Variants in EIF2AK4 observed in about 807,000 individuals in gnomAD.
The protein encoded by EIF2AK4 is eIF-2-alpha kinase GCN2.
In EIF2AK4, 139 loss-of-function variants were observed where a neutral mutation model predicts 211.1. The observed-to-expected ratio is 0.66, with a 90% CI of 0.57 to 0.76. EIF2AK4 has a LOEUF of 0.76. EIF2AK4 is among the 30% of genes least tolerant of loss of function. EIF2AK4 has a pLI of 0.00. For missense variants in EIF2AK4, 1,664 were observed against 2,043.8 expected (o/e 0.81, Z 3.58); for synonymous variants, 710 against 751.3 (o/e 0.94, Z 0.90).
In EIF2AK4 at chr15:40,026,005, C is replaced by T. The variant is rs760055598; in HGVS notation, c.4418C>T (p.Thr1473Ile). 1.9e-6 allele frequency: 3 copies of T among 1,614,102 alleles called. No homozygotes were observed. The highest frequency in any genetic ancestry group is 1.7e-6 in the Non-Finnish European group (2 of 1,180,012). The stretch of plus-strand genomic sequence containing the variant: ...AAGTCTTTCGAGAAGGAAAGGCAGA[C>T]AGAGAAGCGTGTGCTGGAGACTGAA... ...KVKSFEKERQ[T>I]EKRVLETELV... The change falls in exon 33 of 39, where the codon ACA (threonine) becomes ATA (isoleucine). Residue 1473 changes from threonine (T) to isoleucine (I), a missense_variant. Thr to Ile is a moderately conservative substitution (Grantham distance 89). Transcript: ENST00000263791.
rs1375818493 is a variant in EIF2AK4 at position 39,934,189 on chromosome 15, C to T, written c.-7C>T. ...CAAGGCCGCCCTGCCTTGGGCGCAG[C>T]GCTGCCATGGCTGGGGGCCGTGGGG... On this transcript the variant is annotated 5_prime_UTR_variant, in exon 1 of 39. Coordinates refer to ENST00000263791, the MANE Select transcript of EIF2AK4 (RefSeq NM_001013703.4). 7.8e-6 allele frequency: 12 copies of T among 1,533,798 alleles called. No homozygotes were observed. The highest frequency in any genetic ancestry group is 1.7e-4 in the Middle Eastern group (1 of 5,744).
At chr15:39,947,771 G>A (rs2034249484) in intron 3 of EIF2AK4, among the ~76,000 whole-genome samples, 1 of 152,248 alleles carries the variant, frequency 6.6e-6, no homozygotes, top group African/African-American at 2.4e-5. Flanking sequence ...AGGTCTGAGG[G>A]AGGCCAGTGA....
chr15:39,946,476 C>T, intron 3 of EIF2AK4: 3 of 677,250 alleles, frequency 4.4e-6, no homozygotes, highest in Non-Finnish European at 8.1e-6. Flanking sequence ...TTAGTTGCCT[C>T]TTATAGATTA....
intron 11 of EIF2AK4, chr15:39,974,217 C>T (rs1001160297): frequency 2.0e-5 from 3 of 152,392 alleles, no homozygotes; most frequent in Non-Finnish European, 2.9e-5. Context: ...AGGAAAGTAG[C>T]GATGTATTAT....
At chr15:40,028,918 G>A (rs543694880) in intron 33 of EIF2AK4, among the ~76,000 whole-genome samples, 2 of 152,306 alleles carry the variant, frequency 1.3e-5, no homozygotes, top group East Asian at 3.9e-4. Flanking sequence ...GAGTGCTGTT[G>A]TCTCTCTCAA....
intron 5 of EIF2AK4, among the ~76,000 whole-genome samples, chr15:39,955,390 A>G (rs967998371): frequency 5.9e-5 from 9 of 152,170 alleles, no homozygotes; most frequent in African/African-American, 2.2e-4. Context: ...TGATCGGATC[A>G]GGGTAATTAG....
Position 39,973,621 on chromosome 15 carries a change from G to A in EIF2AK4, c.1690G>A (p.Val564Ile). 6.2e-7 allele frequency: 1 copy of A among 1,613,956 alleles called. No individual in the cohort carries two copies. Among genetic ancestry groups the A allele is most frequent in the South Asian group, 1.1e-5 (1 of 91,042 alleles). Residue 564 changes from valine to isoleucine, a missense_variant, in exon 11 of 39, where the codon GTT becomes ATT. Coordinates refer to ENST00000263791, the MANE Select transcript of EIF2AK4 (RefSeq NM_001013703.4). Reference sequence around the variant, plus strand: ...TGAAGGACAAGATTATGTTGAGACTGTTATTCCTAGCAACCGGCTACCCAG... The same window carrying A: ...TGAAGGACAAGATTATGTTGAGACTATTATTCCTAGCAACCGGCTACCCAG... ...DSEGQDYVET[V>I]IPSNRLPSAA... is the part of the protein sequence containing the mutation.
At chr15:39,951,568 AC>A in intron 4 of EIF2AK4, 1 of 328,600 alleles carries the variant, frequency 3.0e-6, no homozygotes, top group Non-Finnish European at 5.9e-6. Context: ...AATTTCTCTC[AC>A]CAGATGCTGG....
At chr15:39,940,272 C>G (rs1459955713) in intron 2 of EIF2AK4, among the ~76,000 whole-genome samples, 1 of 152,226 alleles carries the variant, frequency 6.6e-6, no homozygotes, top group Non-Finnish European at 1.5e-5. Flanking sequence ...TGTTAGCCAT[C>G]AGCACTTAAG....
In EIF2AK4 at chr15:40,001,127, A is replaced by G; in HGVS notation, c.3062A>G (p.Asn1021Ser). The change falls in exon 21 of 39, where the codon AAC becomes AGC. Residue 1021 changes from asparagine (N) to serine (S), a missense_variant. Asn to Ser is a conservative substitution (Grantham distance 46). This residue lies in a region of EIF2AK4 where 622 missense variants were observed against 796.8 expected (regional missense o/e 0.78). Coordinates refer to ENST00000263791, the MANE Select transcript of EIF2AK4 (RefSeq NM_001013703.4). Reference sequence around the variant, plus strand: ...GAAGTGCTGCACCACACGCTGACCAACGTGGATGGGAAGGCCTACCGCACC... The same window carrying G: ...GAAGTGCTGCACCACACGCTGACCAGCGTGGATGGGAAGGCCTACCGCACC... Reference protein sequence around the residue: ...LHEVLHHTLTNVDGKAYRTMM... With the variant: ...LHEVLHHTLTSVDGKAYRTMM... 1 of 1,614,136 alleles carries G rather than the reference A, an allele frequency of 6.2e-7. No homozygotes were observed. Among genetic ancestry groups the G allele is most frequent in the South Asian group, 1.1e-5 (1 of 91,078 alleles).
intron 6 of EIF2AK4, among the ~76,000 whole-genome samples, chr15:39,958,695 C>T (rs569286691): frequency 6.6e-6 from 1 of 152,230 alleles, no homozygotes; most frequent in African/African-American, 2.4e-5. Flanking sequence ...AATTAAGGGA[C>T]CTAGAACTAG....
chr15:40,032,449 G>A (rs2035556333), intron 36 of EIF2AK4, among the ~76,000 whole-genome samples: 1 of 152,134 alleles, frequency 6.6e-6, no homozygotes, highest in Non-Finnish European at 1.5e-5. Flanking sequence ...TAAGATAGAG[G>A]AAAATGAAAA....
chr15:39,968,672 T>A (rs148120637), intron 9 of EIF2AK4, among the ~76,000 whole-genome samples: 12 of 152,282 alleles, frequency 7.9e-5, no homozygotes, highest in Non-Finnish European at 1.3e-4. Context: ...TTTACCTTCT[T>A]TTTCCCAATC....
chr15:40,034,093 C>T (rs969295211), intron 37 of EIF2AK4, among the ~76,000 whole-genome samples: 2 of 151,550 alleles, frequency 1.3e-5, no homozygotes, highest in Non-Finnish European at 2.9e-5. Flanking sequence ...CATCAGCACA[C>T]TAGGGCTGCA....
At chr15:40,028,776 G>A (rs956898046) in intron 33 of EIF2AK4, among the ~76,000 whole-genome samples, 1 of 152,186 alleles carries the variant, frequency 6.6e-6, no homozygotes, top group African/African-American at 2.4e-5. Context: ...GAGAAACCAA[G>A]AAATAGCCAA....
rs759899622 is a variant in EIF2AK4, at chr15:40,003,198, G to A, written c.3241G>A (p.Val1081Ile). ...TTTTTTCTCATTTGGTGTAGGAGCT[G>A]TTCAGTTGTGTACTCCACTACTGCT... ...IIRIFKRHGAVQLCTPLLLPR... is the reference protein window; with the variant it reads ...IIRIFKRHGAIQLCTPLLLPR... Residue 1081 changes from valine to isoleucine, a missense_variant, in exon 23 of 39, where the codon GTT becomes ATT. Coordinates refer to ENST00000263791, the MANE Select transcript of EIF2AK4 (RefSeq NM_001013703.4). The A allele has an allele frequency of 2.2e-5, 36 of 1,614,000 alleles. No individual in the cohort carries two copies. Among genetic ancestry groups the A allele is most frequent in the Non-Finnish European group, 3.0e-5 (35 of 1,180,018 alleles).
At chr15:39,973,320 T>G (rs968939243) in intron 10 of EIF2AK4, among the ~76,000 whole-genome samples, 1 of 152,220 alleles carries the variant, frequency 6.6e-6, no homozygotes, top group Non-Finnish European at 1.5e-5. Flanking sequence ...GAGATTGGGA[T>G]GGATCATGAG....
intron 19 of EIF2AK4, 92 bp from the exon 20 acceptor site, chr15:39,998,639 A>G: frequency 5.0e-6 from 5 of 1,003,806 alleles, no homozygotes; most frequent in Non-Finnish European, 7.5e-6. Context: ...GCAAATTTTT[A>G]TTTCTGTATT....
chr15:39,941,466 C>G (rs969479406), intron 2 of EIF2AK4, among the ~76,000 whole-genome samples: 1 of 152,086 alleles, frequency 6.6e-6, no homozygotes, highest in Non-Finnish European at 1.5e-5. Flanking sequence ...GTGCCAGGAA[C>G]AGGGGTCAAA....
Sources: gnomAD v4.1 joint callset for allele counts (sites outside exome capture counted in the v4.1 genomes callset) on GRCh38, gnomAD v4.1.1 for gene constraint, gnomAD v4.1.1 regional missense constraint, MANE v1.5 for transcripts, NCBI Gene and HGNC (gene_info 2026-07-23, HGNC 2026-07-21) for gene names.